The following C8orf88 variants were observed in gnomAD, a reference collection of about 807,000 sequenced individuals.
C8orf88 encodes uncharacterized protein C8orf88.
Under a neutral mutation model 18.4 loss-of-function variants are expected in C8orf88, and 14 were observed. The ratio of observed to expected loss-of-function variants is 0.76; its 90% confidence interval spans 0.50 to 1.19. The LOEUF is 1.19. C8orf88 is among the 50% of genes most tolerant of loss of function. The probability of loss-of-function intolerance (pLI) is 0.00; values close to 1 mark genes in which losing one functional copy is unlikely to be tolerated. For synonymous variants in C8orf88, 45 were observed against 42.9 expected (o/e 1.05, Z -0.19); for missense variants, 116 against 134.7 (o/e 0.86, Z 0.69).
intron 3 of C8orf88, among the ~76,000 whole-genome samples, chr8:90,977,171 CAT>C (rs1563555150): frequency 1.3e-5 from 2 of 152,034 alleles, no homozygotes; most frequent in South Asian, 2.1e-4. Context: ...TCAAACTAGA[CAT>C]ATGAAAAGAT....
chr8:90,960,060 A>G (rs1811103771), intron 5 of C8orf88, among the ~76,000 whole-genome samples: 1 of 151,460 alleles, frequency 6.6e-6, no homozygotes, highest in Non-Finnish European at 1.5e-5. Flanking sequence ...GACTTGTCCA[A>G]GTTCGAACTA....
At chr8:90,962,943 G>A (rs1266303490) in intron 4 of C8orf88, among the ~76,000 whole-genome samples, 1 of 151,608 alleles carries the variant, frequency 6.6e-6, no homozygotes, top group East Asian at 1.9e-4. Flanking sequence ...TAGAAGGGCA[G>A]TGAAAGAATC....
intron 3 of C8orf88, among the ~76,000 whole-genome samples, chr8:90,978,299 T>A (rs1811381070): frequency 6.6e-6 from 1 of 152,208 alleles, no homozygotes; most frequent in South Asian, 2.1e-4. Flanking sequence ...TAGTTATCCA[T>A]GGGCAGGACG....
At chr8:90,982,061 A>G (rs1322634772) in intron 1 of C8orf88, among the ~76,000 whole-genome samples, 1 of 152,172 alleles carries the variant, frequency 6.6e-6, no homozygotes, top group Non-Finnish European at 1.5e-5. Context: ...TCTCAAAATT[A>G]GGAATGATAA....
At chr8:90,982,440 T>C (rs946381722) in intron 1 of C8orf88, among the ~76,000 whole-genome samples, 2 of 152,134 alleles carry the variant, frequency 1.3e-5, no homozygotes, top group African/African-American at 4.8e-5. Flanking sequence ...TGAATCAGAA[T>C]ACAATAGGAT....
chr8:90,964,502 T>C (rs1811167908), intron 4 of C8orf88, among the ~76,000 whole-genome samples: 1 of 151,748 alleles, frequency 6.6e-6, no homozygotes, highest in Non-Finnish European at 1.5e-5. Context: ...AAACTTGTCT[T>C]ACAAGAAATG....
intron 3 of C8orf88, among the ~76,000 whole-genome samples, chr8:90,976,535 A>T (rs1158867009): frequency 1.3e-5 from 2 of 152,090 alleles, no homozygotes; most frequent in Non-Finnish European, 1.5e-5. Context: ...TGCTAGAACA[A>T]ATACAACATT....
At chr8:90,959,579 T>A (rs1215514480) in intron 5 of C8orf88, among the ~76,000 whole-genome samples, 2 of 151,476 alleles carry the variant, frequency 1.3e-5, no homozygotes, top group Admixed American at 6.6e-5. Context: ...AATTCCTGCT[T>A]TAATTAACTT....
At chr8:90,980,598 T>C in intron 1 of C8orf88, 137 bp from the exon 2 acceptor site, 1 of 518,008 alleles carries the variant, frequency 1.9e-6, no homozygotes, top group East Asian at 3.2e-5. Context: ...AAAAAAGCAT[T>C]TAATATGCAA....
At position 90,960,804 on chromosome 8, in the gene C8orf88, C is replaced by T. The variant is rs1811115624; in HGVS notation, c.268G>A (p.Val90Ile). ...TCTGGTTTTTTTCTGCAGATGGAAA[C>T]ACTTGAGAGCTTCAACAGGAAATCT... ...SRDFLLKLSS[V>I]SICRKKPDFL... is the part of the protein sequence containing the mutation. Residue 90 changes from valine to isoleucine, a missense_variant, in exon 5 of 6, where the codon GTT becomes ATT. Val to Ile is a conservative substitution (Grantham distance 29, BLOSUM62 3). Transcript: ENST00000517562. 1.3e-6 allele frequency: 2 copies of T among 1,531,114 alleles called. No homozygotes were observed. Among genetic ancestry groups the T allele is most frequent in the African/African-American group, 1.4e-5 (1 of 72,704 alleles). 94.8% of individuals were successfully genotyped at this position (1,531,114 alleles called of 1,614,324 possible).
intron 4 of C8orf88, among the ~76,000 whole-genome samples, chr8:90,963,612 G>T (rs184698604): frequency 5.2e-4 from 79 of 151,818 alleles, no homozygotes; most frequent in African/African-American, 1.8e-3. Flanking sequence ...CATCAATAAA[G>T]AGATGGAACT....
chr8:90,980,463 T>C lies in C8orf88; in HGVS notation c.-26-2A>G, dbSNP rs893140411. 59 of 1,353,608 alleles carry C rather than the reference T, an allele frequency of 4.4e-5. No individual in the cohort carries two copies. The highest frequency in any genetic ancestry group is 5.5e-5 in the Non-Finnish European group (55 of 997,698). The allele number at this position is 1,353,608 out of a possible 1,614,324, so 83.8% of individuals were successfully genotyped here. A position where few individuals can be genotyped will look rare whatever the true frequency, so the allele number is the denominator to read the frequency against. ...TCACAAAGACTTTGAGGTTCCATAC[T>C]AGAAGACAAAAAAATACATTTTTAT... On this transcript the variant is annotated splice_acceptor_variant, in intron 1 of 5. Coordinates refer to ENST00000517562, the MANE Select transcript of C8orf88 (RefSeq NM_001190972.2). LOFTEE classifies it low-confidence loss of function (5UTR_SPLICE).
intron 3 of C8orf88, among the ~76,000 whole-genome samples, chr8:90,974,197 C>G (rs1811317565): frequency 6.6e-6 from 1 of 152,150 alleles, no homozygotes; most frequent in Non-Finnish European, 1.5e-5. Context: ...TTGGCAAAAT[C>G]TATGACTGCT....
chr8:90,966,226 C>T (rs1050014645), intron 4 of C8orf88, among the ~76,000 whole-genome samples: 1 of 151,236 alleles, frequency 6.6e-6, no homozygotes, highest in African/African-American at 2.4e-5. Context: ...AATTGGAAAT[C>T]GTCGTTCTCA....
At chr8:90,978,751 T>C (rs1811390190) in intron 2 of C8orf88, 99 bp from the exon 3 acceptor site, 1 of 602,560 alleles carries the variant, frequency 1.7e-6, no homozygotes, top group Non-Finnish European at 2.8e-6. Flanking sequence ...CTTGGCACTG[T>C]TTTGAAATGT....
intron 1 of C8orf88, 28 bp from the exon 2 acceptor site, chr8:90,980,489 C>A: frequency 9.6e-7 from 1 of 1,037,596 alleles, no homozygotes; most frequent in Non-Finnish European, 1.4e-6. Context: ...ACATTTTTAT[C>A]TTTTGGACAA....
chr8:90,974,403 C>T (rs907392768), intron 3 of C8orf88, among the ~76,000 whole-genome samples: 3 of 152,128 alleles, frequency 2.0e-5, no homozygotes, highest in African/African-American at 7.2e-5. Flanking sequence ...GAGCTCCAAG[C>T]CAATGGCCAG....
intron 1 of C8orf88, among the ~76,000 whole-genome samples, chr8:90,982,473 G>A (rs1366152945): frequency 1.3e-5 from 2 of 152,086 alleles, no homozygotes; most frequent in African/African-American, 4.8e-5. Context: ...CACACACTTC[G>A]TTGTTTTTCA....
At chr8:90,969,375 A>G (rs1457956822) in intron 4 of C8orf88, among the ~76,000 whole-genome samples, 1 of 151,898 alleles carries the variant, frequency 6.6e-6, no homozygotes, top group Admixed American at 6.6e-5. Flanking sequence ...AAAAGGTCAC[A>G]TATTGTTCAC....
Sources: allele counts gnomAD v4.1 joint callset (sites outside exome capture counted in the v4.1 genomes callset), GRCh38; gene constraint gnomAD v4.1.1; transcripts MANE v1.5; gene names NCBI Gene and HGNC (gene_info 2026-07-23, HGNC 2026-07-21).